The following IL4R variants were observed in gnomAD, a reference collection of about 807,000 sequenced individuals.
IL4R encodes the protein interleukin 4 receptor.
A neutral mutation model predicts 41.5 loss-of-function variants in IL4R; 17 were observed. That is an observed-to-expected ratio of 0.41 (90% CI 0.28 to 0.61). IL4R has a LOEUF of 0.61. Among genes scored for constraint, IL4R ranks in the 20% least tolerant of loss-of-function variants. The pLI, the probability that IL4R is intolerant of heterozygous loss-of-function variation, is 0.31. For synonymous variants in IL4R, 402 were observed against 422.9 expected, an observed-to-expected ratio of 0.95 and a Z score of 0.61; for missense variants, 974 against 1,043.1, an observed-to-expected ratio of 0.93 and a Z score of 0.91.
In IL4R at chr16:27,342,182, C is replaced by A. The variant is rs930075388; in HGVS notation, c.132C>A (p.Cys44Ter). 3 of 1,614,058 alleles carry A rather than the reference C, an allele frequency of 1.9e-6. No homozygotes were observed. The highest frequency in any genetic ancestry group is 2.5e-6 in the Non-Finnish European group (3 of 1,180,014). The change falls in exon 4 of 11, where the codon TGC (cysteine) becomes TGA (stop). Residue 44 changes from cysteine (C) to a stop codon, truncating the protein, a stop_gained. Transcript: ENST00000395762. LOFTEE classifies it high-confidence loss of function. The stretch of plus-strand genomic sequence containing the variant: ...CCGACTACATGAGCATCTCTACTTG[C>A]GAGTGGAAGATGAATGGTCCCACCA... The part of the protein sequence containing the change: ...CVSDYMSIST[C>*]EWKMNGPTNC...
intron 1 of IL4R, among the ~76,000 whole-genome samples, chr16:27,327,839 G>C (rs998420565): frequency 2.0e-5 from 3 of 152,054 alleles, no homozygotes; most frequent in African/African-American, 4.8e-5. Flanking sequence ...TAAGTACTTA[G>C]AACAGGGCCA....
At chr16:27,316,378 C>T (rs1228796636) in intron 1 of IL4R, among the ~76,000 whole-genome samples, 2 of 152,034 alleles carry the variant, frequency 1.3e-5, no homozygotes, top group East Asian at 1.9e-4. Flanking sequence ...TCAAAATAAA[C>T]AAATACATAA....
chr16:27,340,616 G>A (rs1381660715), intron 3 of IL4R, among the ~76,000 whole-genome samples: 1 of 152,170 alleles, frequency 6.6e-6, no homozygotes, highest in Non-Finnish European at 1.5e-5. Flanking sequence ...CAGCTACTCA[G>A]GAGGCCGAGG....
At chr16:27,339,491 G>T (rs2141123430) in intron 2 of IL4R, among the ~76,000 whole-genome samples, 1 of 152,164 alleles carries the variant, frequency 6.6e-6, no homozygotes, top group African/African-American at 2.4e-5. Context: ...GCTATTCTTA[G>T]TCCCACTTTA....
intron 1 of IL4R, among the ~76,000 whole-genome samples, chr16:27,329,207 C>G (rs2085044800): frequency 6.6e-6 from 1 of 152,102 alleles, no homozygotes; most frequent in Admixed American, 6.6e-5. Context: ...TGAATAAAAG[C>G]TCCCTGAGGC....
chr16:27,320,708 G>T (rs2084789025), intron 1 of IL4R, among the ~76,000 whole-genome samples: 1 of 152,180 alleles, frequency 6.6e-6, no homozygotes, highest in African/African-American at 2.4e-5. Flanking sequence ...ACTCAGAGAA[G>T]GCCTATGTTT....
chr16:27,323,202 T>C (rs1289413297), intron 1 of IL4R, among the ~76,000 whole-genome samples: 1 of 152,194 alleles, frequency 6.6e-6, no homozygotes, highest in Non-Finnish European at 1.5e-5. Flanking sequence ...GGGGGCAAAG[T>C]CCTGGTCATT....
In IL4R at chr16:27,364,153, G is replaced by T; in HGVS notation, c.*323G>T. On this transcript the variant is annotated 3_prime_UTR_variant, in exon 11 of 11. Transcript: ENST00000395762. ...CGAGTTGTTGGCTGCTCCCTCCACA[G>T]CTTCTGCAGCAGACTGTCCCTGTTG... The T allele has an allele frequency of 3.3e-6, 1 of 299,036 alleles. No homozygotes were observed. The highest frequency in any genetic ancestry group is 7.0e-5 in the South Asian group (1 of 14,240). 18.5% of individuals were successfully genotyped at this position (299,036 alleles called of 1,614,324 possible). A position where few individuals can be genotyped will look rare whatever the true frequency, so the allele number is the denominator to read the frequency against.
chr16:27,314,396 T>C (rs1311360390), intron 1 of IL4R, among the ~76,000 whole-genome samples: 1 of 152,218 alleles, frequency 6.6e-6, no homozygotes, highest in African/African-American at 2.4e-5. Context: ...AGTGAGGACT[T>C]CGGAGAGAGA....
intron 2 of IL4R, among the ~76,000 whole-genome samples, chr16:27,332,526 G>A (rs192831495): frequency 1.4e-4 from 22 of 152,126 alleles, no homozygotes; most frequent in African/African-American, 5.3e-4. Flanking sequence ...ACAGAGCCAG[G>A]CCATATCACA....
chr16:27,332,240 T>C (rs1394296193), intron 2 of IL4R, among the ~76,000 whole-genome samples: 1 of 152,128 alleles, frequency 6.6e-6, no homozygotes, highest in African/African-American at 2.4e-5. Context: ...TGACTCACAG[T>C]TCTGCAGGGC....
rs758142588 is a variant in IL4R, at chr16:27,362,918, C to T, written c.1566C>T (p.His522=). The part of the protein sequence containing the change: ...ELGPDPLLAR[H]LEEVEPEMPC... Reference sequence around the variant, plus strand: ...GTCCAGACCCACTGCTGGCCAGACACCTGGAGGAAGTAGAACCCGAGATGC... The same window carrying T: ...GTCCAGACCCACTGCTGGCCAGACATCTGGAGGAAGTAGAACCCGAGATGC... Residue 522 remains histidine, a synonymous_variant, in exon 11 of 11, where the codon CAC becomes CAT. Coordinates refer to ENST00000395762, the MANE Select transcript of IL4R (RefSeq NM_000418.4). 2.1e-5 allele frequency: 34 copies of T among 1,614,044 alleles called. No individual in the cohort carries two copies. In the Admixed American group the frequency reaches 3.5e-4, roughly 17 times the overall value.
chr16:27,347,926 T>C (rs918607620), intron 6 of IL4R, among the ~76,000 whole-genome samples: 10 of 152,258 alleles, frequency 6.6e-5, no homozygotes, highest in African/African-American at 2.4e-4. Flanking sequence ...CTAAAAGCCA[T>C]GTGCCCTTTC....
rs2086368401 is a variant in IL4R at position 27,363,222 on chromosome 16, G to A, written c.1870G>A (p.Ala624Thr). ...GTCCCCAGAGAAATGTGGGTTTGGG[G>A]CTAGCAGTGGGGAAGAGGGGTATAA... ...AVSPEKCGFGASSGEEGYKPF... is the reference protein window; with the variant it reads ...AVSPEKCGFGTSSGEEGYKPF... Residue 624 changes from alanine (A) to threonine (T), a missense_variant, in exon 11 of 11, where the codon GCT becomes ACT. Coordinates refer to ENST00000395762, the MANE Select transcript of IL4R (RefSeq NM_000418.4). 4 of 1,607,988 alleles carry A rather than the reference G, an allele frequency of 2.5e-6. No individual in the cohort carries two copies. Among genetic ancestry groups the A allele is most frequent in the Non-Finnish European group, 2.5e-6 (3 of 1,176,634 alleles).
In IL4R at chr16:27,340,170, T is replaced by G; in HGVS notation, c.-18-16T>G. ...AAGCACAGGTCAGCACTAACCTGCT[T>G]CCTCTCTCTCTGCAGGTGCCTTGGC... is the stretch of plus-strand genomic sequence containing the variant. On this transcript the variant is annotated splice_polypyrimidine_tract_variant and intron_variant, in intron 2 of 10. Transcript: ENST00000395762. 1.9e-6 allele frequency: 3 copies of G among 1,588,450 alleles called. No individual in the cohort carries two copies. The highest frequency in any genetic ancestry group is 2.6e-6 in the Non-Finnish European group (3 of 1,159,190).
At chr16:27,361,695 C>T (rs2086293365) in intron 10 of IL4R, among the ~76,000 whole-genome samples, 1 of 149,064 alleles carries the variant, frequency 6.7e-6, no homozygotes, top group African/African-American at 2.5e-5. Flanking sequence ...GCCTCAAACT[C>T]GTGGGCTCAA....
intron 8 of IL4R, among the ~76,000 whole-genome samples, chr16:27,357,156 C>T (rs747704408): frequency 6.6e-6 from 1 of 152,156 alleles, no homozygotes; most frequent in Non-Finnish European, 1.5e-5. Flanking sequence ...CTGATGCCTC[C>T]GAGCAACCTT....
At chr16:27,334,002 C>G (rs1457482866) in intron 2 of IL4R, among the ~76,000 whole-genome samples, 2 of 152,054 alleles carry the variant, frequency 1.3e-5, no homozygotes, top group African/African-American at 4.8e-5. Flanking sequence ...CCTGCCTCAG[C>G]CTCCTGAGTA....
intron 7 of IL4R, 142 bp downstream of exon 7, chr16:27,352,838 G>T: frequency 1.3e-6 from 1 of 777,908 alleles, no homozygotes. Flanking sequence ...TACACCTGCC[G>T]TGGTGTATCT....
Sources: gnomAD v4.1 joint callset for allele counts (sites outside exome capture counted in the v4.1 genomes callset) on GRCh38, gnomAD v4.1.1 for gene constraint, MANE v1.5 for transcripts, NCBI Gene and HGNC (gene_info 2026-07-23, HGNC 2026-07-21) for gene names.